Variants in CCDC6 observed in about 807,000 individuals in gnomAD.
CCDC6 encodes the protein coiled-coil domain-containing protein 6.
CCDC6 carries 20 observed loss-of-function variants against 56.6 expected under a neutral mutation model. The ratio of observed to expected loss-of-function variants is 0.35; its 90% CI spans 0.25 to 0.51. The LOEUF (loss-of-function observed/expected upper bound fraction) is 0.51, where lower values mean the gene tolerates loss of function less well. Among genes scored for constraint, CCDC6 ranks in the 20% least tolerant of loss-of-function variants. The pLI, the probability that CCDC6 is intolerant of heterozygous loss-of-function variation, is 0.95. For synonymous variants in CCDC6, 241 were observed against 234.4 expected, an observed-to-expected ratio of 1.03 and a Z score of -0.26; for missense variants, 367 against 601.1, an observed-to-expected ratio of 0.61 and a Z score of 4.07.
chr10:59,812,614 G>A (rs758075620), intron 5 of CCDC6, 21 bp downstream of exon 5: 8 of 1,577,440 alleles, frequency 5.1e-6, no homozygotes, highest in Non-Finnish European at 6.9e-6. Flanking sequence ...CATGAAACTA[G>A]TGAAACCAGA....
intron 1 of CCDC6, among the ~76,000 whole-genome samples, chr10:59,866,546 T>C (rs1409281247): frequency 2.6e-5 from 4 of 152,202 alleles, no homozygotes; most frequent in Admixed American, 6.5e-5. Flanking sequence ...TAAGTATTGA[T>C]TGTATTCCTG....
At chr10:59,867,229 T>A (rs186398845) in intron 1 of CCDC6, among the ~76,000 whole-genome samples, 1 of 152,186 alleles carries the variant, frequency 6.6e-6, no homozygotes, top group Non-Finnish European at 1.5e-5. Flanking sequence ...AAAAATAAAA[T>A]TCTAAGCCTC....
intron 2 of CCDC6, among the ~76,000 whole-genome samples, chr10:59,840,576 C>T (rs1280115993): frequency 6.6e-6 from 1 of 152,218 alleles, no homozygotes; most frequent in African/African-American, 2.4e-5. Flanking sequence ...CTAGCCCAGA[C>T]TTCTCTGTTG....
intron 1 of CCDC6, among the ~76,000 whole-genome samples, chr10:59,862,501 GTA>G (rs146237484): frequency 0.054 from 4,608 of 84,928 alleles, 310 homozygotes; most frequent in African/African-American, 0.086. Context: ...AAAAAAAAAA[GTA>G]TATATATATA....
intron 1 of CCDC6, among the ~76,000 whole-genome samples, chr10:59,896,762 C>CA (rs897154389): frequency 7.3e-5 from 11 of 150,296 alleles, no homozygotes; most frequent in African/African-American, 2.8e-4. Flanking sequence ...GTGATGGTTG[C>CA]AAAACACTGT....
intron 3 of CCDC6, among the ~76,000 whole-genome samples, chr10:59,816,217 C>T (rs573991195): frequency 6.6e-5 from 10 of 152,184 alleles, no homozygotes; most frequent in African/African-American, 2.4e-4. Flanking sequence ...CAATCAAGAC[C>T]TGAGAGGAAA....
intron 3 of CCDC6, among the ~76,000 whole-genome samples, chr10:59,823,558 A>G (rs1429130369): frequency 1.3e-5 from 2 of 152,216 alleles, no homozygotes; most frequent in Admixed American, 6.5e-5. Flanking sequence ...GTTGTCTCCC[A>G]ACCCAAAATA....
chr10:59,905,232 T>G (rs575500486), intron 1 of CCDC6, among the ~76,000 whole-genome samples: 1 of 152,100 alleles, frequency 6.6e-6, no homozygotes, highest in African/African-American at 2.4e-5. Context: ...TCTAAACGCC[T>G]GCCACACCAG....
At position 59,892,092 on chromosome 10, in the gene CCDC6, G is replaced by A. The variant is rs561020774; in HGVS notation, c.303+14030C>T. ...TTCAAAGATTCATGTTTTGGTTTCTGTTCTTTAAACCAGCAGCTAAGGAGA... is the reference window on the plus strand; with the variant it reads ...TTCAAAGATTCATGTTTTGGTTTCTATTCTTTAAACCAGCAGCTAAGGAGA... On this transcript the variant is annotated intron_variant, in intron 1 of 8. Coordinates refer to ENST00000263102, the MANE Select transcript of CCDC6 (RefSeq NM_005436.5). Among the ~76,000 whole-genome samples, 130 of 152,294 alleles carry A rather than the reference G, an allele frequency of 8.5e-4. 7 individuals carry two copies. The highest frequency in any genetic ancestry group is 7.5e-4 in the Non-Finnish European group (51 of 68,036).
intron 5 of CCDC6, among the ~76,000 whole-genome samples, chr10:59,809,230 T>C (rs1354187518): frequency 1.3e-5 from 2 of 152,144 alleles, no homozygotes; most frequent in East Asian, 1.9e-4. Flanking sequence ...TTATAATGCC[T>C]TTTACAGGAA....
intron 1 of CCDC6, among the ~76,000 whole-genome samples, chr10:59,872,918 C>T (rs2071243914): frequency 6.6e-6 from 1 of 152,190 alleles, no homozygotes; most frequent in Admixed American, 6.5e-5. Flanking sequence ...CCTTTAAACA[C>T]AATTCCAAAA....
intron 3 of CCDC6, among the ~76,000 whole-genome samples, chr10:59,822,172 A>G (rs958470568): frequency 2.0e-5 from 3 of 152,238 alleles, no homozygotes; most frequent in African/African-American, 7.2e-5. Flanking sequence ...CTAAAAAATT[A>G]TGTTCCTGTA....
Position 59,792,905 on chromosome 10 carries a change from T to G in CCDC6, c.*12A>C. The G allele has an allele frequency of 6.2e-7, 1 of 1,610,424 alleles. No homozygotes were observed. Among genetic ancestry groups the G allele is most frequent in the South Asian group, 1.1e-5 (1 of 90,666 alleles). ...ATGAGTCCCAACTTGAAATTCAGAC[T>G]AAGCTCATGCATTAAGGCTGGGAGG... On this transcript the variant is annotated 3_prime_UTR_variant, in exon 9 of 9. Transcript: ENST00000263102.
intron 1 of CCDC6, among the ~76,000 whole-genome samples, chr10:59,895,537 T>A (rs192500261): frequency 6.6e-6 from 1 of 152,148 alleles, no homozygotes; most frequent in African/African-American, 2.4e-5. Context: ...TGAGAGGATA[T>A]ACGCAAACCC....
At chr10:59,815,690 A>G (rs573876292) in intron 3 of CCDC6, among the ~76,000 whole-genome samples, 1 of 152,092 alleles carries the variant, frequency 6.6e-6, no homozygotes, top group African/African-American at 2.4e-5. Context: ...ATAATTAAAA[A>G]TTTTTTCTTA....
chr10:59,874,360 T>A (rs1474340667), intron 1 of CCDC6, among the ~76,000 whole-genome samples: 1 of 152,152 alleles, frequency 6.6e-6, no homozygotes, highest in Non-Finnish European at 1.5e-5. Context: ...TTATCAAACA[T>A]ATTAAAATTA....
intron 1 of CCDC6, among the ~76,000 whole-genome samples, chr10:59,880,649 C>CA (rs1564755416): frequency 6.6e-6 from 1 of 151,940 alleles, no homozygotes; most frequent in Non-Finnish European, 1.5e-5. Context: ...AGTTATACTC[C>CA]AAAAAAAGTT....
chr10:59,821,584 T>C (rs1394946534), intron 3 of CCDC6, among the ~76,000 whole-genome samples: 10 of 152,184 alleles, frequency 6.6e-5, no homozygotes, highest in South Asian at 2.1e-4. Context: ...CAAGCTGTGA[T>C]TGCTTTCAGA....
intron 1 of CCDC6, among the ~76,000 whole-genome samples, chr10:59,889,441 CAT>C (rs1318563227): frequency 1.3e-5 from 2 of 152,214 alleles, no homozygotes; most frequent in Non-Finnish European, 1.5e-5. Flanking sequence ...GCCCTTTATT[CAT>C]GTTTTCCTGA....
Sources: allele counts gnomAD v4.1 joint callset (sites outside exome capture counted in the v4.1 genomes callset), GRCh38; gene constraint gnomAD v4.1.1; transcripts MANE v1.5; gene names NCBI Gene and HGNC (gene_info 2026-07-23, HGNC 2026-07-21).